Variants in DCAF8L2 observed in about 807,000 individuals in gnomAD.
DCAF8L2 encodes the protein DDB1- and CUL4-associated factor 8-like protein 2.
For synonymous variants in DCAF8L2, 200 were observed against 190.9 expected (o/e 1.05, Z -0.39); for missense variants, 430 against 490.7 (o/e 0.88, Z 1.17).
chrX:27,691,231 A>G (rs1449885196), intron 3 of DCAF8L2, among the ~76,000 whole-genome samples: 3 of 111,898 alleles, frequency 2.7e-5, no homozygotes, highest in Non-Finnish European at 5.6e-5. Flanking sequence ...AGCTGATTTT[A>G]TACTATAAAT....
the DCAF8L2 span, among the ~76,000 whole-genome samples, chrX:27,584,142 T>A: frequency 7.5e-4 from 84 of 111,928 alleles, no homozygotes; most frequent in African/African-American, 2.4e-3. Flanking sequence ...TCATTCTTCA[T>A]GTATTCGCAT....
chrX:27,660,020 G>T (rs1425549119), intron 2 of DCAF8L2, among the ~76,000 whole-genome samples: 1 of 110,986 alleles, frequency 9.0e-6, no homozygotes, highest in Non-Finnish European at 1.9e-5. Flanking sequence ...GTGTCCCTAT[G>T]TTATTTGTTT....
At chrX:27,573,254 T>TCTCTCACACACA in the DCAF8L2 span, among the ~76,000 whole-genome samples, 42 of 99,732 alleles carry the variant, frequency 4.2e-4, no homozygotes, top group East Asian at 2.3e-3. Context: ...TCTCTCTCTC[T>TCTCTCACACACA]CACACACACA....
At chrX:27,576,125 A>C in the DCAF8L2 span, among the ~76,000 whole-genome samples, 9 of 112,627 alleles carry the variant, frequency 8.0e-5, no homozygotes, top group South Asian at 3.6e-4. Flanking sequence ...TTGATTACCC[A>C]TTAATTTAGT....
intron 1 of DCAF8L2, among the ~76,000 whole-genome samples, chrX:27,600,542 G>A (rs748994550): frequency 6.3e-5 from 7 of 111,754 alleles, no homozygotes; most frequent in Non-Finnish European, 1.1e-4. Flanking sequence ...TAAATTTAAA[G>A]CATCTCAGGA....
the DCAF8L2 span, among the ~76,000 whole-genome samples, chrX:27,502,335 A>AAAAAAAAAAAAAAT: frequency 2.4e-4 from 3 of 12,712 alleles, no homozygotes; most frequent in Non-Finnish European, 4.5e-4. Context: ...AAAAAAAAAA[A>AAAAAAAAAAAAAAT]ATATATATAT....
rs34205237 is a variant in DCAF8L2, at chrX:27,627,925, T to TAAA, written c.-341-3942_-341-3940dup. On this transcript the variant is annotated intron_variant, in intron 1 of 4. Transcript: ENST00000451261. Reference sequence around the variant, plus strand: ...TCTGGTGACAGAGCAAGACTCCATCTAAAAAAAAAAAAAACAATGAATACA... The same window carrying TAAA: ...TCTGGTGACAGAGCAAGACTCCATCTAAAAAAAAAAAAAAAAACAATGAATACA... 2.1e-3 allele frequency among the ~76,000 whole-genome samples: 199 copies of TAAA among 93,431 alleles called. 2 individuals carry two copies. The highest frequency in any genetic ancestry group is 7.1e-3 in the African/African-American group (180 of 25,228). 81.1% of individuals were successfully genotyped at this position (93,431 alleles called of 115,157 possible). A position where few individuals can be genotyped will look rare whatever the true frequency, so the allele number is the denominator to read the frequency against.
intron 4 of DCAF8L2, among the ~76,000 whole-genome samples, chrX:27,721,947 A>G (rs544222327): frequency 2.0e-4 from 22 of 111,846 alleles, no homozygotes; most frequent in African/African-American, 6.1e-4. Context: ...ATCCTACCAA[A>G]TCCATAAAGA....
intron 3 of DCAF8L2, among the ~76,000 whole-genome samples, chrX:27,697,912 A>G (rs1413299596): frequency 9.0e-6 from 1 of 111,381 alleles, no homozygotes; most frequent in African/African-American, 3.3e-5. Flanking sequence ...ATAAATATAT[A>G]AGAATCATAC....
intron 3 of DCAF8L2, among the ~76,000 whole-genome samples, chrX:27,684,507 A>AT (rs753473604): frequency 8.9e-6 from 1 of 112,067 alleles, no homozygotes; most frequent in East Asian, 2.8e-4. Flanking sequence ...CAGGTGGATG[A>AT]TAAAAAAGAG....
At chrX:27,501,940 G>A in the DCAF8L2 span, among the ~76,000 whole-genome samples, 1 of 110,550 alleles carries the variant, frequency 9.0e-6, no homozygotes, top group African/African-American at 3.3e-5. Flanking sequence ...GGAGACCTCG[G>A]AATGAAGGCA....
At chrX:27,704,259 TATATATACGTATATATGTAC>T (rs1489261881) in intron 3 of DCAF8L2, among the ~76,000 whole-genome samples, 13 of 58,950 alleles carry the variant, frequency 2.2e-4, no homozygotes, top group African/African-American at 3.5e-4. Context: ...CGTATGTACG[TATATATACGTATATATGTAC>T]ATATATATAT....
chrX:27,485,258 A>G, the DCAF8L2 span, among the ~76,000 whole-genome samples: 1 of 112,041 alleles, frequency 8.9e-6, no homozygotes, highest in Non-Finnish European at 1.9e-5. Flanking sequence ...AGTGCATTCA[A>G]TTGTTTGCAT....
the DCAF8L2 span, among the ~76,000 whole-genome samples, chrX:27,474,151 T>A: frequency 9.0e-6 from 1 of 110,550 alleles, no homozygotes; most frequent in Non-Finnish European, 1.9e-5. Context: ...AGAAAATAGT[T>A]CAAAGAAAGA....
chrX:27,623,157 A>G (rs755732631), intron 1 of DCAF8L2, among the ~76,000 whole-genome samples: 2 of 111,469 alleles, frequency 1.8e-5, no homozygotes, highest in South Asian at 7.5e-4. Context: ...CACACCACTT[A>G]CTTTTGGGCT....
At position 27,700,311 on chromosome X, in the gene DCAF8L2, G is replaced by A. The variant is rs189996030; in HGVS notation, c.-142-15777G>A. Among the ~76,000 whole-genome samples the A allele has an allele frequency of 1.7e-4, 19 of 110,289 alleles. No homozygotes were observed. The East Asian group carries it at 4.6e-3, about 27-fold the overall frequency. The stretch of plus-strand genomic sequence containing the variant: ...TAGATGAAACTAACTGAAAAAGGAG[G>A]AATGAAAATTAAAGCATTTTATGTG... On this transcript the variant is annotated intron_variant, in intron 3 of 4. Transcript: ENST00000451261.
At chrX:27,696,280 A>AAGAAAGAG (rs2147260983) in intron 3 of DCAF8L2, among the ~76,000 whole-genome samples, 1 of 41,417 alleles carries the variant, frequency 2.4e-5, no homozygotes, top group South Asian at 1.1e-3. Flanking sequence ...GAAAGAAAGA[A>AAGAAAGAG]AGAAAGAAAG....
chrX:27,624,304 T>G (rs1248209158), intron 1 of DCAF8L2, among the ~76,000 whole-genome samples: 4 of 110,282 alleles, frequency 3.6e-5, no homozygotes, highest in Non-Finnish European at 7.6e-5. Context: ...AATAACAGGG[T>G]GAGGGGAGAT....
chrX:27,594,359 G>C (rs1439004932), intron 1 of DCAF8L2, among the ~76,000 whole-genome samples: 1 of 111,036 alleles, frequency 9.0e-6, no homozygotes, highest in Non-Finnish European at 1.9e-5. Flanking sequence ...ATATAGATAA[G>C]ACATGACAAA....
Sources: gnomAD v4.1 joint callset for allele counts (sites outside exome capture counted in the v4.1 genomes callset) on GRCh38, gnomAD v4.1.1 for gene constraint, MANE v1.5 for transcripts, NCBI Gene and HGNC (gene_info 2026-07-23, HGNC 2026-07-21) for gene names.